Variants in SLC39A11 observed in about 807,000 individuals in gnomAD.
The protein encoded by SLC39A11 is solute carrier family 39 member 11, also known as zinc transporter ZIP11.
In SLC39A11, 33 loss-of-function variants were observed where a neutral mutation model predicts 36.1. The observed-to-expected ratio is 0.91, with a 90% CI of 0.69 to 1.22. The LOEUF (loss-of-function observed/expected upper bound fraction) is 1.22, where lower values mean the gene tolerates loss of function less well. Among genes scored for constraint, SLC39A11 ranks in the 50% most tolerant of loss-of-function variants. SLC39A11 has a pLI of 0.00. For missense variants in SLC39A11, 432 were observed against 430.3 expected (o/e 1.00, Z -0.03); for synonymous variants, 166 against 170.3 (o/e 0.97, Z 0.20).
chr17:72,773,644 T>TACACACACACAC (rs550889404), intron 6 of SLC39A11, among the ~76,000 whole-genome samples: 78 of 78,842 alleles, frequency 9.9e-4, no homozygotes, highest in African/African-American at 5.0e-3. Context: ...GAGACCATCT[T>TACACACACACAC]ACACACACAC....
intron 6 of SLC39A11, among the ~76,000 whole-genome samples, chr17:72,742,147 G>C (rs1320645404): frequency 6.6e-6 from 1 of 152,024 alleles, no homozygotes; most frequent in Admixed American, 6.6e-5. Flanking sequence ...AGGTTGCAGT[G>C]AGCCAAGATC....
chr17:72,655,007 C>T (rs2070041724), intron 7 of SLC39A11, among the ~76,000 whole-genome samples: 1 of 152,216 alleles, frequency 6.6e-6, no homozygotes, highest in African/African-American at 2.4e-5. Context: ...CTCTGCCTTG[C>T]CCCAGCCCTG....
intron 7 of SLC39A11, among the ~76,000 whole-genome samples, chr17:72,654,391 C>G (rs2070009096): frequency 6.6e-6 from 1 of 152,322 alleles, no homozygotes; most frequent in East Asian, 1.9e-4. Flanking sequence ...CAGCCCTGGG[C>G]AGAAATGCGG....
chr17:72,791,371 G>C (rs112300284), intron 6 of SLC39A11, among the ~76,000 whole-genome samples: 5,756 of 152,268 alleles, frequency 0.038, 344 homozygotes, highest in African/African-American at 0.13. Context: ...AGAATCGCTT[G>C]AACCTGGGAG....
intron 5 of SLC39A11, among the ~76,000 whole-genome samples, chr17:72,867,177 G>A (rs1034513131): frequency 2.0e-5 from 3 of 152,228 alleles, no homozygotes; most frequent in South Asian, 2.1e-4. Flanking sequence ...TTTAAACACC[G>A]TTATTAGGTC....
At chr17:73,055,713 T>C (rs1171129534) in intron 3 of SLC39A11, among the ~76,000 whole-genome samples, 1 of 152,126 alleles carries the variant, frequency 6.6e-6, no homozygotes, top group Non-Finnish European at 1.5e-5. Flanking sequence ...GCTCAAACGA[T>C]TCTCCTGCCT....
chr17:73,047,998 T>TATATATATATATAC lies in SLC39A11; in HGVS notation c.148-16285_148-16284insGTATATATATATAT. Among the ~76,000 whole-genome samples the TATATATATATATAC allele has an allele frequency of 3.8e-5, 2 of 52,928 alleles. 1 individual carries two copies. The highest frequency in any genetic ancestry group is 1.8e-3 in the South Asian group (2 of 1,134). 34.7% of individuals were successfully genotyped at this position (52,928 alleles called of 152,430 possible). A position where few individuals can be genotyped will look rare whatever the true frequency, so the allele number is the denominator to read the frequency against. ...AAAAAAAAAAAAAAAAAAATATATA[T>TATATATATATATAC]ATATATATATATATATATATATATA... On this transcript the variant is annotated intron_variant, in intron 3 of 9. Coordinates refer to ENST00000255559, the MANE Select transcript of SLC39A11 (RefSeq NM_139177.4).
intron 6 of SLC39A11, among the ~76,000 whole-genome samples, chr17:72,764,041 T>C (rs1198839159): frequency 6.6e-6 from 1 of 152,122 alleles, no homozygotes; most frequent in Non-Finnish European, 1.5e-5. Flanking sequence ...CAATTGCTTT[T>C]GGATCTAGTG....
chr17:72,875,429 TCC>T (rs1408464477), intron 5 of SLC39A11, among the ~76,000 whole-genome samples: 8 of 152,158 alleles, frequency 5.3e-5, no homozygotes, highest in Non-Finnish European at 5.9e-5. Context: ...CCTGAGGACT[TCC>T]CAGGAAGCCA....
intron 6 of SLC39A11, among the ~76,000 whole-genome samples, chr17:72,760,030 A>C (rs114830644): frequency 0.021 from 3,185 of 152,128 alleles, 113 homozygotes; most frequent in African/African-American, 0.073. Flanking sequence ...TTTGTGAAGC[A>C]TATTTTATTT....
intron 5 of SLC39A11, among the ~76,000 whole-genome samples, chr17:72,860,343 C>T (rs1416517707): frequency 6.6e-6 from 1 of 152,126 alleles, no homozygotes; most frequent in Non-Finnish European, 1.5e-5. Flanking sequence ...GCTGTGAGTC[C>T]CAGAAGTTTC....
At chr17:72,710,698 T>C (rs1375157131) in intron 7 of SLC39A11, among the ~76,000 whole-genome samples, 1 of 152,252 alleles carries the variant, frequency 6.6e-6, no homozygotes, top group African/African-American at 2.4e-5. Flanking sequence ...CTCCACCTTA[T>C]AAATCTTATA....
At chr17:72,846,691 T>C (rs1045605287) in intron 6 of SLC39A11, among the ~76,000 whole-genome samples, 4 of 152,196 alleles carry the variant, frequency 2.6e-5, no homozygotes, top group African/African-American at 9.6e-5. Context: ...GGATACTCAT[T>C]CCATTGCTAT....
chr17:72,960,203 G>C (rs942925320), intron 4 of SLC39A11, among the ~76,000 whole-genome samples: 1 of 152,124 alleles, frequency 6.6e-6, no homozygotes, highest in African/African-American at 2.4e-5. Flanking sequence ...TTATCCAGGG[G>C]AAAAGGCACT....
chr17:73,084,752 C>G, intron 3 of SLC39A11, 56 bp downstream of exon 3: 2 of 1,589,656 alleles, frequency 1.3e-6, no homozygotes, highest in Non-Finnish European at 1.7e-6. Context: ...CCTTGGCAGA[C>G]ACATGTCAGA....
chr17:73,039,661 G>C (rs1462537799), intron 3 of SLC39A11, among the ~76,000 whole-genome samples: 1 of 152,118 alleles, frequency 6.6e-6, no homozygotes, highest in East Asian at 1.9e-4. Context: ...CACAAACATG[G>C]GGTGAGTAAT....
chr17:72,855,043 TC>T (rs1427494279), intron 5 of SLC39A11, among the ~76,000 whole-genome samples: 24 of 152,192 alleles, frequency 1.6e-4, no homozygotes, highest in Non-Finnish European at 3.2e-4. Flanking sequence ...TCTGGCTTCC[TC>T]CCTGCAGAGT....
intron 6 of SLC39A11, chr17:72,838,928 C>G (rs1309740794): frequency 1.3e-5 from 2 of 152,162 alleles, no homozygotes; most frequent in Admixed American, 1.3e-4. Context: ...AGCACTCTCC[C>G]CCATTCCCTG....
chr17:72,810,591 T>C, intron 6 of SLC39A11, among the ~76,000 whole-genome samples: 1 of 152,186 alleles, frequency 6.6e-6, no homozygotes, highest in East Asian at 1.9e-4. Context: ...TAGAGGAAAT[T>C]ACTGCTTAGG....
Sources: gnomAD v4.1 joint callset for allele counts (sites outside exome capture counted in the v4.1 genomes callset) on GRCh38, gnomAD v4.1.1 for gene constraint, MANE v1.5 for transcripts, NCBI Gene and HGNC (gene_info 2026-07-23, HGNC 2026-07-21) for gene names.